Variants in FRMD5 observed in about 807,000 individuals in gnomAD.
FRMD5 encodes the protein FERM domain-containing protein 5.
FRMD5 carries 20 observed loss-of-function variants against 69.0 expected under a neutral mutation model. The ratio of observed to expected loss-of-function variants is 0.29; its 90% CI spans 0.20 to 0.42. The LOEUF (loss-of-function observed/expected upper bound fraction) is 0.42. FRMD5 is among the 10% of genes least tolerant of loss of function. The probability of loss-of-function intolerance (pLI) is 1.00; values close to 1 mark genes in which losing one functional copy is unlikely to be tolerated. For synonymous variants in FRMD5, 271 were observed against 260.1 expected (o/e 1.04, Z -0.40); for missense variants, 595 against 708.6 (o/e 0.84, Z 1.82).
intron 1 of FRMD5, among the ~76,000 whole-genome samples, chr15:43,961,167 AAAG>A (rs1224152247): frequency 6.6e-6 from 1 of 152,186 alleles, no homozygotes; most frequent in Non-Finnish European, 1.5e-5. Flanking sequence ...CAAGACTAAT[AAAG>A]AAGAAAAGAG....
intron 1 of FRMD5, among the ~76,000 whole-genome samples, chr15:44,125,606 A>C (rs1391165493): frequency 6.6e-6 from 1 of 152,222 alleles, no homozygotes; most frequent in African/African-American, 2.4e-5. Context: ...TAGACATGAG[A>C]CGGGTGGCCT....
At chr15:43,919,165 T>C (rs536680380) in intron 4 of FRMD5, 11 of 502,740 alleles carry the variant, frequency 2.2e-5, no homozygotes, top group African/African-American at 2.0e-4. Context: ...GGCAACATCA[T>C]AGGTAAAAGA....
chr15:43,906,382 C>T (rs2089172188), intron 5 of FRMD5, among the ~76,000 whole-genome samples: 2 of 152,160 alleles, frequency 1.3e-5, no homozygotes, highest in African/African-American at 4.8e-5. Flanking sequence ...AAGTCTAAAT[C>T]CTAGTTTGAG....
At chr15:43,912,796 T>A (rs2089312161) in intron 4 of FRMD5, among the ~76,000 whole-genome samples, 1 of 148,600 alleles carries the variant, frequency 6.7e-6, no homozygotes, top group East Asian at 2.0e-4. Context: ...GGTGGGTGGA[T>A]CACCTGAGGT....
At position 44,002,761 on chromosome 15, in the gene FRMD5, G is replaced by A. The variant is rs1001451495; in HGVS notation, c.103-78452C>T. Among the ~76,000 whole-genome samples, 8 of 152,112 alleles carry A rather than the reference G, an allele frequency of 5.3e-5. No individual in the cohort carries two copies. The East Asian group carries it at 5.8e-4, about 11-fold the overall frequency. On this transcript the variant is annotated intron_variant, in intron 1 of 13. Coordinates refer to ENST00000417257, the MANE Select transcript of FRMD5 (RefSeq NM_032892.5). ...TCTTTAACTACCAGGCCCAGGGTGC[G>A]GCGCGGGGCTGTCTGCCTGTGGATT...
chr15:44,069,913 G>A (rs1023480112), intron 1 of FRMD5, among the ~76,000 whole-genome samples: 1 of 152,124 alleles, frequency 6.6e-6, no homozygotes, highest in Non-Finnish European at 1.5e-5. Context: ...GGTTAAGGGG[G>A]AGGCAAGACA....
At chr15:44,186,204 G>A (rs571088335) in intron 1 of FRMD5, among the ~76,000 whole-genome samples, 1 of 152,276 alleles carries the variant, frequency 6.6e-6, no homozygotes, top group South Asian at 2.1e-4. Context: ...TGGGATTACA[G>A]GCGTGAGCCA....
intron 1 of FRMD5, among the ~76,000 whole-genome samples, chr15:43,970,856 T>A (rs541570361): frequency 2.6e-5 from 4 of 152,182 alleles, no homozygotes; most frequent in Non-Finnish European, 5.9e-5. Context: ...GGTAGCATAT[T>A]ATAGTAATAT....
At chr15:43,884,986 T>G (rs2088628924) in intron 11 of FRMD5, 191 bp from the exon 12 acceptor site, 2 of 550,184 alleles carry the variant, frequency 3.6e-6, no homozygotes, top group Non-Finnish European at 6.5e-6. Flanking sequence ...ACAGCCTATC[T>G]GAGAGAACTC....
intron 7 of FRMD5, among the ~76,000 whole-genome samples, chr15:43,892,332 G>A (rs1224314196): frequency 1.3e-5 from 2 of 152,214 alleles, no homozygotes; most frequent in Non-Finnish European, 2.9e-5. Context: ...TTAGAAGGTT[G>A]CTGTGAACAT....
Position 43,875,363 on chromosome 15 carries a change from A to AAAT in FRMD5, c.1136-902_1136-901insATT, listed in dbSNP as rs1366807150. On this transcript the variant is annotated intron_variant, in intron 13 of 13. Coordinates refer to ENST00000417257, the MANE Select transcript of FRMD5 (RefSeq NM_032892.5). ...AAGACTGTCTCAAAAAAAAAAAAAA[A>AAAT]ATATATATATATATATATATATATA... Among the ~76,000 whole-genome samples, 175 of 105,292 alleles carry AAAT rather than the reference A, an allele frequency of 1.7e-3. 2 individuals are homozygous for AAAT. The highest frequency in any genetic ancestry group is 0.01 in the East Asian group (34 of 3,340). 69.1% of individuals were successfully genotyped at this position (105,292 alleles called of 152,430 possible). A position where few individuals can be genotyped will look rare whatever the true frequency, so the allele number is the denominator to read the frequency against.
intron 10 of FRMD5, among the ~76,000 whole-genome samples, chr15:43,886,247 G>A (rs1374682178): frequency 6.6e-6 from 1 of 152,142 alleles, no homozygotes; most frequent in Non-Finnish European, 1.5e-5. Context: ...CTGGGTAATT[G>A]TGGGTGGAGA....
In FRMD5 at chr15:44,027,642, TTTTTTTTTG is replaced by T. The variant is rs1177765164; in HGVS notation, c.103-103342_103-103334del. The stretch of plus-strand genomic sequence containing the variant: ...CCTGTGCTGACTTTCTTTTCTAGTT[TTTTTTTTTG>T]TTTTTTTTTTTTTTTCCGAGACAGA... On this transcript the variant is annotated intron_variant, in intron 1 of 13. Transcript: ENST00000417257. Among the ~76,000 whole-genome samples the T allele has an allele frequency of 4.9e-4, 14 of 28,436 alleles. 1 individual carries two copies. In the East Asian group the frequency reaches 9.2e-3, roughly 19 times the overall value. 18.7% of individuals were successfully genotyped at this position (28,436 alleles called of 152,430 possible).
rs145046888 is a variant in FRMD5 at position 43,960,503 on chromosome 15, C to T, written c.103-36194G>A. On this transcript the variant is annotated intron_variant, in intron 1 of 13. Coordinates refer to ENST00000417257, the MANE Select transcript of FRMD5 (RefSeq NM_032892.5). ...CGACCTCATGATCTGCCCGCCTCGGCCTCCCAAAGTGCTGGGATTACAGGC... is the reference window on the plus strand; with the variant it reads ...CGACCTCATGATCTGCCCGCCTCGGTCTCCCAAAGTGCTGGGATTACAGGC... 3.4e-3 allele frequency among the ~76,000 whole-genome samples: 515 copies of T among 152,338 alleles called. 6 individuals are homozygous for T. The highest frequency in any genetic ancestry group is 0.012 in the African/African-American group (489 of 41,578).
intron 4 of FRMD5, 115 bp downstream of exon 4, chr15:43,919,344 T>C (rs1280783612): frequency 3.5e-6 from 3 of 869,264 alleles, no homozygotes; most frequent in Admixed American, 1.7e-5. Context: ...TTAGGAAGAG[T>C]TCCTTGCCTC....
chr15:44,187,062 T>C (rs1342716940), intron 1 of FRMD5, among the ~76,000 whole-genome samples: 2 of 152,210 alleles, frequency 1.3e-5, no homozygotes, highest in African/African-American at 2.4e-5. Flanking sequence ...TAATGCACAA[T>C]TGGGGCTGCA....
At chr15:44,163,411 G>A (rs1391217850) in intron 1 of FRMD5, among the ~76,000 whole-genome samples, 1 of 152,192 alleles carries the variant, frequency 6.6e-6, no homozygotes, top group Non-Finnish European at 1.5e-5. Flanking sequence ...GAATAGAGGG[G>A]TTGGGCATTC....
chr15:44,023,426 G>A (rs1387794640), intron 1 of FRMD5, among the ~76,000 whole-genome samples: 5 of 152,200 alleles, frequency 3.3e-5, no homozygotes, highest in Non-Finnish European at 7.3e-5. Context: ...AGGGGCTGTG[G>A]ACAGAAAACA....
intron 8 of FRMD5, 136 bp from the exon 9 acceptor site, chr15:43,889,008 A>G: frequency 1.4e-6 from 1 of 708,246 alleles, no homozygotes; most frequent in Non-Finnish European, 2.5e-6. Flanking sequence ...CAGAACTGAA[A>G]CAAGACAGCA....
Sources: gnomAD v4.1 joint callset for allele counts (sites outside exome capture counted in the v4.1 genomes callset) on GRCh38, gnomAD v4.1.1 for gene constraint, MANE v1.5 for transcripts, NCBI Gene and HGNC (gene_info 2026-07-23, HGNC 2026-07-21) for gene names.